TRPM6: variants seen among roughly 807,000 people sequenced by gnomAD.
TRPM6 encodes the protein transient receptor potential cation channel subfamily M member 6, also known as channel kinase 2.
Under a neutral mutation model 247.6 loss-of-function variants are expected in TRPM6, and 111 were observed. The ratio of observed to expected loss-of-function variants is 0.45; its 90% CI spans 0.38 to 0.52. The LOEUF (loss-of-function observed/expected upper bound fraction) is 0.52. TRPM6 is among the 20% of genes least tolerant of loss of function. TRPM6 has a pLI of 0.00. For missense variants in TRPM6, 2,126 were observed against 2,421.5 expected (o/e 0.88, Z 2.56); for synonymous variants, 892 against 853.8 (o/e 1.04, Z -0.78).
chr9:74,814,175 CACAAATTA>C (rs1250235379), intron 11 of TRPM6, among the ~76,000 whole-genome samples: 1 of 152,078 alleles, frequency 6.6e-6, no homozygotes, highest in East Asian at 1.9e-4. Context: ...AGTTTGCTGT[CACAAATTA>C]ATAGACTGCC....
At chr9:74,817,004 C>G (rs376176588) in intron 9 of TRPM6, 40 bp from the exon 10 acceptor site, 1 of 1,518,738 alleles carries the variant, frequency 6.6e-7, no homozygotes, top group African/African-American at 1.4e-5. Context: ...ATTTGGGGAA[C>G]TACCAAATAA....
intron 1 of TRPM6, among the ~76,000 whole-genome samples, chr9:74,863,535 G>T (rs946877922): frequency 3.9e-5 from 6 of 152,060 alleles, no homozygotes; most frequent in African/African-American, 9.7e-5. Flanking sequence ...TTATCTTGGG[G>T]TACTCTCTGA....
In TRPM6 at chr9:74,874,759, A is replaced by ATT. The variant is rs34812726; in HGVS notation, c.33+13063_33+13064dup. Among the ~76,000 whole-genome samples the ATT allele has an allele frequency of 6.0e-3, 864 of 143,212 alleles. 9 individuals carry two copies. Among genetic ancestry groups the ATT allele is most frequent in the Non-Finnish European group, 9.7e-3 (637 of 65,534 alleles). 94.0% of individuals were successfully genotyped at this position (143,212 alleles called of 152,430 possible). On this transcript the variant is annotated intron_variant, in intron 1 of 38. Coordinates refer to ENST00000360774, the MANE Select transcript of TRPM6 (RefSeq NM_017662.5). Reference sequence around the variant, plus strand: ...AATGCTCATAACATTTTGTAATTGTATTTTTTTTTTTTTTGAGACAATGTC... The same window carrying ATT: ...AATGCTCATAACATTTTGTAATTGTATTTTTTTTTTTTTTTTGAGACAATGTC...
intron 33 of TRPM6, 43 bp downstream of exon 33, chr9:74,742,518 C>A: frequency 6.3e-7 from 1 of 1,580,782 alleles, no homozygotes; most frequent in Non-Finnish European, 8.7e-7. Context: ...GATTTTATGC[C>A]TCTGTCCTGG....
chr9:74,735,365 C>A (rs1187631658), intron 36 of TRPM6, among the ~76,000 whole-genome samples: 1 of 152,090 alleles, frequency 6.6e-6, no homozygotes, highest in Non-Finnish European at 1.5e-5. Flanking sequence ...TATGCAGCAA[C>A]CCTTTATGAG....
In TRPM6 at chr9:74,761,787, A is replaced by G. The variant is rs1271827738; in HGVS notation, c.4694T>C (p.Ile1565Thr). Residue 1565 changes from isoleucine (I) to threonine (T), a missense_variant, in exon 27 of 39, where the codon ATA (isoleucine) becomes ACA (threonine). Ile to Thr is a moderately conservative substitution (Grantham distance 89). Around this residue, in one of 3 missense-constraint regions of TRPM6, gnomAD observed 717 missense variants for 715.9 expected, o/e 1.00. Coordinates refer to ENST00000360774, the MANE Select transcript of TRPM6 (RefSeq NM_017662.5). ...CGCTTTGACCCATGCTCCCTGCCCT[A>G]TTTCTGAAGAGCCTGAAAGATCTGC... ...KIKNLSGSSEIGQGAWVKAKM... is the reference protein window; with the variant it reads ...KIKNLSGSSETGQGAWVKAKM... 1.2e-6 allele frequency: 2 copies of G among 1,613,652 alleles called. No individual in the cohort carries two copies. The highest frequency in any genetic ancestry group is 2.2e-5 in the South Asian group (2 of 91,068).
In TRPM6 at chr9:74,816,920, G is replaced by A. The variant is rs867698966; in HGVS notation, c.1179C>T (p.Asp393=). 1 of 1,614,110 alleles carries A rather than the reference G, an allele frequency of 6.2e-7. No homozygotes were observed. Among genetic ancestry groups the A allele is most frequent in the Non-Finnish European group, 8.5e-7 (1 of 1,180,008 alleles). The part of the protein sequence containing the change: ...DADSEEQQDL[D]LAILTALLKG... ...TCAGCAAAGCTGTTAGGATTGCTAA[G>A]TCCAGGTCTTGCTGCTCTTCAGAGT... The change falls in exon 10 of 39, where the codon GAC becomes GAT. Residue 393 remains aspartate (D), a synonymous_variant. Coordinates refer to ENST00000360774, the MANE Select transcript of TRPM6 (RefSeq NM_017662.5).
At chr9:74,727,289 GGAGAATC>G (rs1284868704) in intron 38 of TRPM6, among the ~76,000 whole-genome samples, 1 of 151,536 alleles carries the variant, frequency 6.6e-6, no homozygotes, top group African/African-American at 2.4e-5. Context: ...GGCTGAGGCA[GGAGAATC>G]GCTTGAACCC....
chr9:74,858,618 G>A (rs1016956641), intron 2 of TRPM6, 51 bp downstream of exon 2: 17 of 1,158,828 alleles, frequency 1.5e-5, no homozygotes, highest in Non-Finnish European at 2.1e-5. Flanking sequence ...TCTATAAATA[G>A]TCCATCAGGT....
At chr9:74,809,076 T>A (rs1239354409) in intron 13 of TRPM6, among the ~76,000 whole-genome samples, 1 of 152,194 alleles carries the variant, frequency 6.6e-6, no homozygotes, top group Non-Finnish European at 1.5e-5. Flanking sequence ...TTGGCCAAGC[T>A]GAGTAACTAT....
chr9:74,732,918 G>A (rs2118702235), intron 36 of TRPM6, among the ~76,000 whole-genome samples, 182 bp from the exon 37 acceptor site: 1 of 152,276 alleles, frequency 6.6e-6, no homozygotes, highest in South Asian at 2.1e-4. Flanking sequence ...ATCTGGCTGG[G>A]CGCGGTGGCT....
chr9:74,798,352 T>A (rs778774137), intron 17 of TRPM6, among the ~76,000 whole-genome samples: 1 of 152,116 alleles, frequency 6.6e-6, no homozygotes, highest in Non-Finnish European at 1.5e-5. Context: ...CTTTCTCCAG[T>A]TCTAATAGGA....
intron 31 of TRPM6, among the ~76,000 whole-genome samples, chr9:74,746,155 C>T (rs1166086281): frequency 6.6e-6 from 1 of 151,514 alleles, no homozygotes; most frequent in Non-Finnish European, 1.5e-5. Context: ...AGGAGAATGG[C>T]ATGAACCCAG....
Position 74,782,681 on chromosome 9 carries a change from T to C in TRPM6, c.3092A>G (p.Asp1031Gly), listed in dbSNP as rs1827504948. 1 of 1,614,128 alleles carries C rather than the reference T, an allele frequency of 6.2e-7. No homozygotes were observed. Among genetic ancestry groups the C allele is most frequent in the Non-Finnish European group, 8.5e-7 (1 of 1,179,994 alleles). Residue 1031 changes from aspartate (D) to glycine (G), a missense_variant and splice_region_variant, in exon 22 of 39, where the codon GAT becomes GGT. By Grantham distance (94) the Asp-to-Gly change is moderately conservative (BLOSUM62 -1). Transcript: ENST00000360774. ...TGACGGTAAAATCCCATACACACCA[T>C]CTATTTCTCCAGCATAGACTTCTCC... The part of the protein sequence containing the change: ...IYGEVYAGEI[D>G]VCSSQPSCPP...
At chr9:74,730,068 C>T (rs1034066766) in intron 37 of TRPM6, among the ~76,000 whole-genome samples, 6 of 152,082 alleles carry the variant, frequency 3.9e-5, no homozygotes, top group Non-Finnish European at 7.4e-5. Context: ...TGCATCTACC[C>T]GCTACAGCAC....
chr9:74,839,988 A>C, intron 5 of TRPM6, 36 bp downstream of exon 5: 1 of 1,506,832 alleles, frequency 6.6e-7, no homozygotes, highest in Non-Finnish European at 9.2e-7. Flanking sequence ...GGAGGGTGAA[A>C]GAGAGGGTGG....
At position 74,814,610 on chromosome 9, in the gene TRPM6, G is replaced by T. The variant is rs116233210; in HGVS notation, c.1308+2059C>A. 3.3e-3 allele frequency among the ~76,000 whole-genome samples: 500 copies of T among 152,118 alleles called. 6 individuals carry two copies. The highest frequency in any genetic ancestry group is 0.012 in the African/African-American group (484 of 41,514). ...ACACAAAAATTAAAAACTAAAAAAA[G>T]AAGAAATTAATAGATTCATAGTATG... On this transcript the variant is annotated intron_variant, in intron 11 of 38. Coordinates refer to ENST00000360774, the MANE Select transcript of TRPM6 (RefSeq NM_017662.5).
At chr9:74,847,357 C>T (rs1484307353) in intron 3 of TRPM6, among the ~76,000 whole-genome samples, 3 of 152,064 alleles carry the variant, frequency 2.0e-5, no homozygotes, top group African/African-American at 4.8e-5. Context: ...ACGACTATCA[C>T]GTCCGGCTAA....
chr9:74,866,840 T>A (rs745687331), intron 1 of TRPM6, among the ~76,000 whole-genome samples: 7 of 152,208 alleles, frequency 4.6e-5, no homozygotes, highest in Non-Finnish European at 8.8e-5. Flanking sequence ...TAGGATCCTT[T>A]CATAATCATA....
Sources: gnomAD v4.1 joint callset for allele counts (sites outside exome capture counted in the v4.1 genomes callset) on GRCh38, gnomAD v4.1.1 for gene constraint, gnomAD v4.1.1 regional missense constraint, MANE v1.5 for transcripts, NCBI Gene and HGNC (gene_info 2026-07-23, HGNC 2026-07-21) for gene names.